The following RANBP3L variants were observed in gnomAD, a reference collection of about 807,000 sequenced individuals.
RANBP3L encodes RAN binding protein 3 like, also known as ran-binding protein 3-like.
A neutral mutation model predicts 67.2 loss-of-function variants in RANBP3L; 56 were observed. That is an observed-to-expected ratio of 0.83 (90% confidence interval 0.67 to 1.04). The LOEUF (loss-of-function observed/expected upper bound fraction) is 1.04, where lower values mean the gene tolerates loss of function less well. Ranked by LOEUF, RANBP3L falls within the 50% of genes least tolerant of loss-of-function variation. The pLI, the probability that RANBP3L is intolerant of heterozygous loss-of-function variation, is 0.00. For missense variants in RANBP3L, 496 were observed against 535.5 expected, an observed-to-expected ratio of 0.93 and a Z score of 0.73; for synonymous variants, 164 against 181.4, an observed-to-expected ratio of 0.90 and a Z score of 0.77.
At chr5:36,286,246 G>T (rs548234461) in intron 1 of RANBP3L, among the ~76,000 whole-genome samples, 1 of 152,230 alleles carries the variant, frequency 6.6e-6, no homozygotes, top group Admixed American at 6.5e-5. Flanking sequence ...CTAACTTTTT[G>T]TTGGTTATTT....
intron 1 of RANBP3L, among the ~76,000 whole-genome samples, chr5:36,287,483 G>A (rs10042551): frequency 0.33 from 50,516 of 151,966 alleles, 9,077 homozygotes; most frequent in African/African-American, 0.48. Context: ...ACAAGATGAA[G>A]TAGAGATGGG....
chr5:36,265,977 C>CAAAAAA (rs10717173), intron 4 of RANBP3L, among the ~76,000 whole-genome samples: 2 of 76,082 alleles, frequency 2.6e-5, no homozygotes, highest in African/African-American at 5.3e-5. Flanking sequence ...GACTCCATTT[C>CAAAAAA]AAAAAAAAAA....
intron 10 of RANBP3L, 69 bp from the exon 11 acceptor site, chr5:36,255,659 A>G (rs1038938047): frequency 2.6e-6 from 3 of 1,133,378 alleles, no homozygotes; most frequent in Middle Eastern, 2.0e-4. Flanking sequence ...TTCCTATGTT[A>G]TGACACGTTT....
chr5:36,266,598 A>G (rs916869414), intron 4 of RANBP3L, among the ~76,000 whole-genome samples: 2 of 152,236 alleles, frequency 1.3e-5, no homozygotes, highest in Non-Finnish European at 2.9e-5. Flanking sequence ...AACATAAAAC[A>G]GAATGATAAT....
At position 36,270,042 on chromosome 5, in the gene RANBP3L, T is replaced by C. The variant is rs115536030; in HGVS notation, c.151-52A>G. The C allele has an allele frequency of 7.2e-4, 1,097 of 1,523,664 alleles. 7 individuals carry two copies. In the African/African-American group the frequency reaches 0.013, roughly 18 times the overall value. The allele number at this position is 1,523,664 out of a possible 1,614,324, so 94.4% of individuals were successfully genotyped here. A position where few individuals can be genotyped will look rare whatever the true frequency, so the allele number is the denominator to read the frequency against. The stretch of plus-strand genomic sequence containing the variant: ...GAGCTGAGTATTTGCCTTTGTATTA[T>C]GTTGGTGCAAAAGTTATTGCAGTTT... On this transcript the variant is annotated intron_variant, in intron 2 of 13. Coordinates refer to ENST00000296604, the MANE Select transcript of RANBP3L (RefSeq NM_145000.5).
At chr5:36,283,295 T>G (rs1319527075) in intron 1 of RANBP3L, among the ~76,000 whole-genome samples, 1 of 151,580 alleles carries the variant, frequency 6.6e-6, no homozygotes, top group Non-Finnish European at 1.5e-5. Context: ...TGACCTCAGG[T>G]GATCCACCCA....
At chr5:36,282,382 A>G (rs933164273) in intron 1 of RANBP3L, among the ~76,000 whole-genome samples, 1 of 152,218 alleles carries the variant, frequency 6.6e-6, no homozygotes, top group Non-Finnish European at 1.5e-5. Context: ...AAAATATCAT[A>G]TCAGTAAGAA....
intron 1 of RANBP3L, among the ~76,000 whole-genome samples, chr5:36,292,144 T>C (rs576818087): frequency 1.3e-5 from 2 of 152,272 alleles, no homozygotes; most frequent in South Asian, 4.1e-4. Context: ...CATTCTCTGA[T>C]GGCCAGTGAT....
At chr5:36,258,092 T>C (rs1749123185) in intron 8 of RANBP3L, among the ~76,000 whole-genome samples, 1 of 152,126 alleles carries the variant, frequency 6.6e-6, no homozygotes, top group African/African-American at 2.4e-5. Context: ...AACAAAAAAG[T>C]TATCCAGAGA....
intron 2 of RANBP3L, 100 bp from the exon 3 acceptor site, chr5:36,270,090 A>G: frequency 2.0e-6 from 2 of 995,908 alleles, no homozygotes; most frequent in Non-Finnish European, 3.2e-6. Flanking sequence ...GTAATGGCAA[A>G]AATTGCAATT....
At chr5:36,255,792 A>G (rs1748931863) in intron 10 of RANBP3L, among the ~76,000 whole-genome samples, 1 of 152,132 alleles carries the variant, frequency 6.6e-6, no homozygotes, top group African/African-American at 2.4e-5. Flanking sequence ...AAGTAAAAAG[A>G]CATACAAAGT....
intron 10 of RANBP3L, among the ~76,000 whole-genome samples, chr5:36,255,985 T>A (rs1748950777): frequency 6.6e-6 from 1 of 152,144 alleles, no homozygotes; most frequent in South Asian, 2.1e-4. Context: ...CTTTCTGATT[T>A]TTTAACACTA....
Position 36,301,521 on chromosome 5 carries a change from T to G in RANBP3L, c.-105A>C. The G allele has an allele frequency of 1.3e-6, 1 of 764,072 alleles. No individual in the cohort carries two copies. The highest frequency in any genetic ancestry group is 2.3e-6 in the Non-Finnish European group (1 of 436,912). The allele number at this position is 764,072 out of a possible 1,614,324, so 47.3% of individuals were successfully genotyped here. On this transcript the variant is annotated 5_prime_UTR_variant, in exon 1 of 14. It removes an upstream start codon present in the reference 5' UTR. Coordinates refer to ENST00000296604, the MANE Select transcript of RANBP3L (RefSeq NM_145000.5). ...AGACACCCAGAAATACATAGATTCA[T>G]GCAGATCTTGTCTTTGCATGTACAA...
At chr5:36,287,307 C>T (rs191140988) in intron 1 of RANBP3L, among the ~76,000 whole-genome samples, 2 of 152,288 alleles carry the variant, frequency 1.3e-5, no homozygotes, top group Admixed American at 6.5e-5. Flanking sequence ...ATATATTTTG[C>T]TCATTTATCT....
At chr5:36,250,027 A>G (rs1748486278) in intron 13 of RANBP3L, among the ~76,000 whole-genome samples, 1 of 151,948 alleles carries the variant, frequency 6.6e-6, no homozygotes. Context: ...CATATGATTG[A>G]CATTTGCTTT....
rs185073599 is a variant in RANBP3L at position 36,256,180 on chromosome 5, C to T, written c.904-590G>A. 2.9e-3 allele frequency among the ~76,000 whole-genome samples: 445 copies of T among 152,198 alleles called. 4 individuals are homozygous for T. The highest frequency in any genetic ancestry group is 0.01 in the African/African-American group (432 of 41,554). On this transcript the variant is annotated intron_variant, in intron 10 of 13. Transcript: ENST00000296604. ...TCATTACTACTGTGTACAAGAATCA[C>T]CTAGACAGCCTGTTAAAAATATAGC...
chr5:36,255,376 C>A, intron 11 of RANBP3L, 94 bp downstream of exon 11: 2 of 1,223,838 alleles, frequency 1.6e-6, no homozygotes, highest in Non-Finnish European at 2.2e-6. Flanking sequence ...TATTTTATAG[C>A]ACATCTCCAG....
At chr5:36,274,297 A>T (rs1750424634) in intron 1 of RANBP3L, among the ~76,000 whole-genome samples, 1 of 152,120 alleles carries the variant, frequency 6.6e-6, no homozygotes, top group Non-Finnish European at 1.5e-5. Flanking sequence ...TTAATTACGC[A>T]ATTATTGAAG....
In RANBP3L at chr5:36,249,444, A is replaced by AT. The variant is rs1158197403; in HGVS notation, c.*209dup. 1 of 332,986 alleles carries AT rather than the reference A, an allele frequency of 3.0e-6. No individual in the cohort carries two copies. The highest frequency in any genetic ancestry group is 1.1e-4 in the South Asian group (1 of 8,770). 20.6% of individuals were successfully genotyped at this position (332,986 alleles called of 1,614,324 possible). On this transcript the variant is annotated 3_prime_UTR_variant, in exon 14 of 14. Transcript: ENST00000296604. Reference sequence around the variant, plus strand: ...GATAAATTTTGAACTTCTGAAGTCCATTTTTTTAAATTCTGTCAGTTTCTG... The same window carrying AT: ...GATAAATTTTGAACTTCTGAAGTCCATTTTTTTTAAATTCTGTCAGTTTCTG...
Sources: gnomAD v4.1 joint callset for allele counts (sites outside exome capture counted in the v4.1 genomes callset) on GRCh38, gnomAD v4.1.1 for gene constraint, MANE v1.5 for transcripts, NCBI Gene and HGNC (gene_info 2026-07-23, HGNC 2026-07-21) for gene names.